The following CNTN5 variants were observed in gnomAD, a reference collection of about 807,000 sequenced individuals.
The protein encoded by CNTN5 is contactin 5, also known as contactin-5.
Under a neutral mutation model 129.1 loss-of-function variants are expected in CNTN5, and 77 were observed. That is an observed-to-expected ratio of 0.60 (90% confidence interval 0.50 to 0.72). The LOEUF (loss-of-function observed/expected upper bound fraction) is 0.72, where lower values mean the gene tolerates loss of function less well. Ranked by LOEUF, CNTN5 falls within the 30% of genes least tolerant of loss-of-function variation. The pLI, the probability that CNTN5 is intolerant of heterozygous loss-of-function variation, is 0.00. For missense variants in CNTN5, 1,478 were observed against 1,328.8 expected, an observed-to-expected ratio of 1.11 and a Z score of -1.75; for synonymous variants, 509 against 465.6, an observed-to-expected ratio of 1.09 and a Z score of -1.20.
chr11:99,583,151 C>T (rs1949671010), intron 3 of CNTN5, among the ~76,000 whole-genome samples: 1 of 152,196 alleles, frequency 6.6e-6, no homozygotes. Context: ...TATTGGTGAA[C>T]CGTAAATGCT....
intron 2 of CNTN5, among the ~76,000 whole-genome samples, chr11:99,543,528 CTCAAA>C (rs1487282923): frequency 6.6e-6 from 1 of 152,144 alleles, no homozygotes; most frequent in African/African-American, 2.4e-5. Context: ...CTCAGAGCAT[CTCAAA>C]GATTGTGTGA....
intron 2 of CNTN5, among the ~76,000 whole-genome samples, chr11:99,438,083 A>G (rs900001100): frequency 3.3e-4 from 51 of 152,314 alleles, no homozygotes; most frequent in Non-Finnish European, 4.6e-4. Context: ...CATTTAACAC[A>G]TGAGTAAAGG....
chr11:99,691,534 T>C lies in CNTN5; in HGVS notation c.56-128010T>C, dbSNP rs115573805. Among the ~76,000 whole-genome samples, 491 of 152,260 alleles carry C rather than the reference T, an allele frequency of 3.2e-3. 4 individuals carry two copies. Among genetic ancestry groups the C allele is most frequent in the African/African-American group, 0.011 (474 of 41,550 alleles). ...CAAAAGTCATTCAGGAGCAGGTTGTTTGATTTTCATGTAGTTGTATAATTT... is the reference window on the plus strand; with the variant it reads ...CAAAAGTCATTCAGGAGCAGGTTGTCTGATTTTCATGTAGTTGTATAATTT... On this transcript the variant is annotated intron_variant, in intron 3 of 24. Coordinates refer to ENST00000524871, the MANE Select transcript of CNTN5 (RefSeq NM_014361.4).
At chr11:100,202,563 TA>T (rs1948806992) in intron 15 of CNTN5, among the ~76,000 whole-genome samples, 2 of 150,624 alleles carry the variant, frequency 1.3e-5, no homozygotes, top group Non-Finnish European at 3.0e-5. Context: ...ATATTTATAT[TA>T]AAAGCAGCCG....
At chr11:100,161,237 G>A (rs962686887) in intron 13 of CNTN5, among the ~76,000 whole-genome samples, 4 of 151,792 alleles carry the variant, frequency 2.6e-5, no homozygotes, top group Admixed American at 1.3e-4. Flanking sequence ...ATAGCTAGTG[G>A]TATTATCTAA....
At chr11:99,970,791 T>C (rs1319543424) in intron 8 of CNTN5, among the ~76,000 whole-genome samples, 1 of 152,146 alleles carries the variant, frequency 6.6e-6, no homozygotes, top group Non-Finnish European at 1.5e-5. Flanking sequence ...CTGTCAAGAA[T>C]TGAGATTTTA....
At chr11:99,566,111 G>A (rs1218288058) in intron 3 of CNTN5, among the ~76,000 whole-genome samples, 3 of 152,120 alleles carry the variant, frequency 2.0e-5, no homozygotes, top group East Asian at 1.9e-4. Flanking sequence ...TCTAGTGGGA[G>A]GTCTTTGGAT....
chr11:99,427,526 G>T (rs1050126081), intron 2 of CNTN5, among the ~76,000 whole-genome samples: 1 of 152,042 alleles, frequency 6.6e-6, no homozygotes, highest in Admixed American at 6.5e-5. Flanking sequence ...CAGCACTTTG[G>T]GAGGCCGAGG....
chr11:99,624,621 T>G (rs7119586), intron 3 of CNTN5, among the ~76,000 whole-genome samples: 31,343 of 152,088 alleles, frequency 0.21, 3,718 homozygotes, highest in East Asian at 0.39. Context: ...ATTTTAGCTT[T>G]CTTTTCTCAT....
intron 9 of CNTN5, among the ~76,000 whole-genome samples, chr11:100,057,792 A>AAAACATATATTC (rs1278217955): frequency 6.6e-6 from 1 of 152,040 alleles, no homozygotes; most frequent in Non-Finnish European, 1.5e-5. Flanking sequence ...GAAAATACAG[A>AAAACATATATTC]AAACATATAT....
At chr11:99,630,855 T>C (rs1951321761) in intron 3 of CNTN5, among the ~76,000 whole-genome samples, 1 of 152,132 alleles carries the variant, frequency 6.6e-6, no homozygotes. Context: ...CAATTTGCTA[T>C]TTTGGAGATA....
chr11:99,275,631 A>G (rs763565098), intron 1 of CNTN5, among the ~76,000 whole-genome samples: 34 of 151,688 alleles, frequency 2.2e-4, no homozygotes, highest in Non-Finnish European at 3.4e-4. Flanking sequence ...TAGGGTGTAT[A>G]TATTTGCTCG....
intron 10 of CNTN5, among the ~76,000 whole-genome samples, chr11:100,064,348 T>C (rs2198324): frequency 0.81 from 123,659 of 152,124 alleles, 51,051 homozygotes; most frequent in East Asian, 1. Context: ...GCTATATAGA[T>C]AGTACACATA....
intron 2 of CNTN5, among the ~76,000 whole-genome samples, chr11:99,422,518 TTATATATATATATATA>T (rs71046684): frequency 0.18 from 14,851 of 83,626 alleles, 955 homozygotes; most frequent in South Asian, 0.26. Context: ...CTTTATATTT[TTATATATATATATATA>T]TATATATATA....
intron 3 of CNTN5, among the ~76,000 whole-genome samples, chr11:99,665,832 G>T (rs1177562912): frequency 1.3e-5 from 2 of 152,130 alleles, no homozygotes; most frequent in African/African-American, 4.8e-5. Flanking sequence ...AAAACAAAAT[G>T]CTAGTGGATT....
intron 16 of CNTN5, among the ~76,000 whole-genome samples, chr11:100,232,191 A>C (rs1233087471): frequency 6.6e-6 from 1 of 152,136 alleles, no homozygotes; most frequent in South Asian, 2.1e-4. Flanking sequence ...TGTGAAGCAT[A>C]GGAAGGGGAA....
At chr11:99,626,344 T>G (rs1951132048) in intron 3 of CNTN5, among the ~76,000 whole-genome samples, 1 of 152,104 alleles carries the variant, frequency 6.6e-6, no homozygotes, top group Admixed American at 6.6e-5. Flanking sequence ...AGAAACTGTT[T>G]TTTAACATCA....
At chr11:99,793,065 AT>A (rs34583185) in intron 3 of CNTN5, among the ~76,000 whole-genome samples, 3,116 of 142,510 alleles carry the variant, frequency 0.022, 36 homozygotes, top group African/African-American at 0.039. Context: ...TATCTTATTA[AT>A]TTTTTTTTTT....
chr11:99,364,716 G>A (rs929094346), intron 2 of CNTN5, among the ~76,000 whole-genome samples: 3 of 152,076 alleles, frequency 2.0e-5, no homozygotes, highest in African/African-American at 7.2e-5. Context: ...TTGTCGGTAC[G>A]ATTAAATCAT....
Sources: allele counts gnomAD v4.1 joint callset (sites outside exome capture counted in the v4.1 genomes callset), GRCh38; gene constraint gnomAD v4.1.1; transcripts MANE v1.5; gene names NCBI Gene and HGNC (gene_info 2026-07-23, HGNC 2026-07-21).